CUBN: variants seen among roughly 807,000 people sequenced by gnomAD.
The protein encoded by CUBN is 460 kDa receptor.
In CUBN, 282 loss-of-function variants were observed where a neutral mutation model predicts 405.3. The observed-to-expected ratio is 0.70, with a 90% CI of 0.63 to 0.77. The LOEUF is 0.77. Ranked by LOEUF, CUBN falls within the 30% of genes least tolerant of loss-of-function variation. The probability of loss-of-function intolerance (pLI) is 0.00; values close to 1 mark genes in which losing one functional copy is unlikely to be tolerated. For missense variants in CUBN, 4,514 were observed against 4,475.2 expected (o/e 1.01, Z -0.25); for synonymous variants, 1,684 against 1,617.0 (o/e 1.04, Z -0.99).
intron 28 of CUBN, among the ~76,000 whole-genome samples, chr10:17,019,234 A>C (rs918406733): frequency 6.6e-6 from 1 of 152,140 alleles, no homozygotes; most frequent in Non-Finnish European, 1.5e-5. Context: ...TCATCTTCAG[A>C]GGAATGATGA....
At chr10:17,117,060 AAGAT>A (rs747006079) in intron 6 of CUBN, among the ~76,000 whole-genome samples, 1 of 152,204 alleles carries the variant, frequency 6.6e-6, no homozygotes, top group Non-Finnish European at 1.5e-5. Context: ...ACGGCTCACT[AAGAT>A]AAAGTCATAG....
At chr10:16,928,410 G>C in intron 40 of CUBN, 107 bp from the exon 41 acceptor site, 1 of 1,191,460 alleles carries the variant, frequency 8.4e-7, no homozygotes, top group South Asian at 1.3e-5. Context: ...AGAACATCAG[G>C]ACTCGTAGGA....
At position 16,835,039 on chromosome 10, in the gene CUBN, A is replaced by T; in HGVS notation, c.10337T>A (p.Val3446Asp). 1.9e-6 allele frequency: 3 copies of T among 1,614,194 alleles called. No homozygotes were observed. Among genetic ancestry groups the T allele is most frequent in the Non-Finnish European group, 2.5e-6 (3 of 1,180,022 alleles). ...CTCCAAGAAATCGTTTCTGCATTCA[A>T]CTGAGTTCTCGATGCCAAGTGAATG... is the stretch of plus-strand genomic sequence containing the variant. ...FFHSLGIENS[V>D]ECRNDFLEVR... The change falls in exon 64 of 67, where the codon GTT (valine) becomes GAT (aspartate). Residue 3446 changes from valine (V) to aspartate (D), a missense_variant. Val to Asp is a radical substitution (Grantham distance 152). This residue lies in a region of CUBN where 1,186 missense variants were observed against 1,186.9 expected (regional missense o/e 1.00). Transcript: ENST00000377833.
At chr10:17,095,426 T>A (rs988899927) in intron 14 of CUBN, among the ~76,000 whole-genome samples, 2 of 151,806 alleles carry the variant, frequency 1.3e-5, no homozygotes, top group African/African-American at 4.8e-5. Context: ...ACTAACCCAA[T>A]CTTAAAAATG....
chr10:16,851,918 C>A (rs1189560825), intron 59 of CUBN, among the ~76,000 whole-genome samples: 1 of 129,092 alleles, frequency 7.7e-6, no homozygotes. Flanking sequence ...CTATCTTTCC[C>A]TCCCTCCCTC....
At chr10:16,958,289 A>G (rs2131640379) in intron 31 of CUBN, among the ~76,000 whole-genome samples, 1 of 152,254 alleles carries the variant, frequency 6.6e-6, no homozygotes, top group African/African-American at 2.4e-5. Flanking sequence ...AATACTTCAC[A>G]AGGAATGGAT....
At chr10:16,856,687 G>A (rs1588592036) in intron 59 of CUBN, among the ~76,000 whole-genome samples, 1 of 152,272 alleles carries the variant, frequency 6.6e-6, no homozygotes, top group African/African-American at 2.4e-5. Flanking sequence ...TTTTCCTGAG[G>A]TTGTCTGGAT....
At chr10:17,098,555 G>A (rs1322414495) in intron 14 of CUBN, among the ~76,000 whole-genome samples, 4 of 152,118 alleles carry the variant, frequency 2.6e-5, no homozygotes, top group South Asian at 2.1e-4. Flanking sequence ...ATTCGGCTTG[G>A]TATTGAAGGT....
intron 55 of CUBN, among the ~76,000 whole-genome samples, chr10:16,889,935 C>CAAA (rs1554788544): frequency 5.0e-5 from 1 of 19,898 alleles, no homozygotes; most frequent in Non-Finnish European, 1.0e-4. Flanking sequence ...GACGCCGTGT[C>CAAA]AAAAAAAAAA....
chr10:17,126,797 C>G lies in CUBN; in HGVS notation c.351G>C (p.Leu117=), dbSNP rs1837201585. ...CTTGGAATTTTCTCTCAAGATCCAC[C>G]AGCTGGCAATAGGGAAGAAAAAGCT... The part of the protein sequence containing the change: ...SSQIYQLNSK[L]VDLERKFQGL... The change falls in exon 4 of 67, where the codon CTG becomes CTC. Residue 117 remains leucine (L), a splice_region_variant and synonymous_variant. Transcript: ENST00000377833. 1 of 1,613,988 alleles carries G rather than the reference C, an allele frequency of 6.2e-7. No individual in the cohort carries two copies. The highest frequency in any genetic ancestry group is 1.3e-5 in the African/African-American group (1 of 74,904).
At chr10:17,016,587 C>T (rs140882073) in intron 28 of CUBN, among the ~76,000 whole-genome samples, 416 of 152,282 alleles carry the variant, frequency 2.7e-3, no homozygotes, top group African/African-American at 9.5e-3. Flanking sequence ...CCCAGGTCTG[C>T]GTTGATCTGC....
At chr10:16,986,300 TG>T in intron 29 of CUBN, among the ~76,000 whole-genome samples, 1 of 123,278 alleles carries the variant, frequency 8.1e-6, no homozygotes, top group East Asian at 2.7e-4. Context: ...CGGGACACTC[TG>T]CCCCCATTCC....
chr10:17,023,990 A>G (rs1396522450), intron 27 of CUBN, among the ~76,000 whole-genome samples: 1 of 110,958 alleles, frequency 9.0e-6, no homozygotes, highest in Non-Finnish European at 1.8e-5. Flanking sequence ...CCCCCACCCT[A>G]CCCCCAAATA....
chr10:16,836,255 C>T lies in CUBN; in HGVS notation c.10160G>A (p.Ser3387Asn). 10 of 1,614,064 alleles carry T rather than the reference C, an allele frequency of 6.2e-6. No homozygotes were observed. The highest frequency in any genetic ancestry group is 8.5e-6 in the Non-Finnish European group (10 of 1,179,934). The change falls in exon 63 of 67, where the codon AGT becomes AAT. Residue 3387 changes from serine to asparagine, a missense_variant. Physicochemically the swap from Ser to Asn is conservative, Grantham distance 46. This residue lies in a region of CUBN where 1,186 missense variants were observed against 1,186.9 expected (regional missense o/e 1.00). Transcript: ENST00000377833. ...CTCACCTGCAATCTGATAGGTGAAA[C>T]TCATTCTAGAGTTTCTGTTTACAAC... Reference protein sequence around the residue: ...SGVVNRNSRMSFTYQIADCNR... With the variant: ...SGVVNRNSRMNFTYQIADCNR...
In CUBN at chr10:17,012,786, T is replaced by C. The variant is rs932566395; in HGVS notation, c.4168+7047A>G. ...AACTTGCACATTTGAGCAGACCAAT[T>C]ATTGGGCAATTTTCCTAACTCTGCT... On this transcript the variant is annotated intron_variant, in intron 28 of 66. Transcript: ENST00000377833. 3.9e-5 allele frequency among the ~76,000 whole-genome samples: 6 copies of C among 152,324 alleles called. No individual in the cohort carries two copies. In the East Asian group the frequency reaches 7.7e-4, roughly 20 times the overall value.
chr10:16,877,119 C>T (rs1488984641), intron 56 of CUBN, 22 bp from the exon 57 acceptor site: 14 of 1,602,918 alleles, frequency 8.7e-6, no homozygotes, highest in African/African-American at 5.4e-5. Flanking sequence ...ATGGAACAAC[C>T]GCATTATGAT....
intron 27 of CUBN, among the ~76,000 whole-genome samples, chr10:17,031,047 T>C (rs1205862697): frequency 1.3e-5 from 2 of 152,218 alleles, no homozygotes; most frequent in Non-Finnish European, 2.9e-5. Context: ...CTCCTGTTAG[T>C]CACTGAAATT....
chr10:17,046,382 A>C (rs187492616), intron 23 of CUBN, among the ~76,000 whole-genome samples: 1 of 152,318 alleles, frequency 6.6e-6, no homozygotes, highest in East Asian at 1.9e-4. Context: ...TTTCGAATAA[A>C]GCCTCTGGCA....
At chr10:17,084,874 T>G (rs1588632026) in intron 16 of CUBN, among the ~76,000 whole-genome samples, 1 of 152,102 alleles carries the variant, frequency 6.6e-6, no homozygotes, top group African/African-American at 2.4e-5. Flanking sequence ...GGGAGTTGAT[T>G]TGCACGGAAA....
Sources: allele counts gnomAD v4.1 joint callset (sites outside exome capture counted in the v4.1 genomes callset), GRCh38; gene constraint gnomAD v4.1.1; regional missense constraint gnomAD v4.1.1; transcripts MANE v1.5; gene names NCBI Gene and HGNC (gene_info 2026-07-23, HGNC 2026-07-21).